NRXN1: variants seen among roughly 807,000 people sequenced by gnomAD.
The protein encoded by NRXN1 is neurexin-1.
A neutral mutation model predicts 150.9 loss-of-function variants in NRXN1; 39 were observed. That is an observed-to-expected ratio of 0.26 (90% CI 0.20 to 0.34). The LOEUF (loss-of-function observed/expected upper bound fraction) is 0.34, where lower values mean the gene tolerates loss of function less well. NRXN1 is among the 10% of genes least tolerant of loss of function. The pLI is 1.00. For synonymous variants in NRXN1, 924 were observed against 757.0 expected, an observed-to-expected ratio of 1.22 and a Z score of -3.62; for missense variants, 1,815 against 1,949.9, an observed-to-expected ratio of 0.93 and a Z score of 1.30.
chr2:50,893,237 G>A (rs1681359595), intron 5 of NRXN1, among the ~76,000 whole-genome samples: 1 of 152,114 alleles, frequency 6.6e-6, no homozygotes, highest in African/African-American at 2.4e-5. Flanking sequence ...AGATGTACAT[G>A]CAAATATCTA....
At chr2:50,807,829 G>T (rs1667710076) in intron 5 of NRXN1, among the ~76,000 whole-genome samples, 1 of 152,050 alleles carries the variant, frequency 6.6e-6, no homozygotes, top group African/African-American at 2.4e-5. Context: ...TGAGGCAGTA[G>T]GTTCTGTATA....
intron 5 of NRXN1, among the ~76,000 whole-genome samples, chr2:50,719,882 G>A (rs1345937227): frequency 1.3e-5 from 2 of 152,142 alleles, no homozygotes; most frequent in Non-Finnish European, 2.9e-5. Flanking sequence ...TTCATTCAGT[G>A]GCTTTCCTGA....
chr2:50,113,689 T>C (rs550313688), intron 18 of NRXN1, among the ~76,000 whole-genome samples: 1 of 152,286 alleles, frequency 6.6e-6, no homozygotes, highest in African/African-American at 2.4e-5. Context: ...TTGGCTATCC[T>C]TTTGTGACTC....
chr2:50,335,989 G>A (rs998026425), intron 17 of NRXN1, among the ~76,000 whole-genome samples: 1 of 151,644 alleles, frequency 6.6e-6, no homozygotes, highest in Non-Finnish European at 1.5e-5. Context: ...TGTGCCAGAT[G>A]TTTACATAAT....
intron 17 of NRXN1, among the ~76,000 whole-genome samples, chr2:50,239,340 A>G (rs989904365): frequency 6.6e-6 from 1 of 151,566 alleles, no homozygotes; most frequent in African/African-American, 2.4e-5. Context: ...TATATACATT[A>G]TGTGAAATAA....
intron 18 of NRXN1, among the ~76,000 whole-genome samples, chr2:50,234,288 G>A (rs773145775): frequency 2.6e-5 from 4 of 152,098 alleles, no homozygotes; most frequent in Non-Finnish European, 5.9e-5. Flanking sequence ...GAGGTCAGAA[G>A]TTCAAGACCA....
intron 17 of NRXN1, among the ~76,000 whole-genome samples, chr2:50,240,413 A>G (rs1387168982): frequency 6.6e-6 from 1 of 151,722 alleles, no homozygotes; most frequent in African/African-American, 2.4e-5. Flanking sequence ...ATACTTCTAT[A>G]AGCACTCTGG....
intron 17 of NRXN1, among the ~76,000 whole-genome samples, chr2:50,320,960 T>G (rs369314949): frequency 1.4e-4 from 21 of 152,286 alleles, no homozygotes; most frequent in African/African-American, 5.1e-4. Context: ...CTGAAAGTTG[T>G]GTAGGAAAAT....
intron 12 of NRXN1, among the ~76,000 whole-genome samples, chr2:50,511,462 T>G (rs538794875): frequency 6.6e-6 from 1 of 152,328 alleles, no homozygotes; most frequent in East Asian, 1.9e-4. Flanking sequence ...AGTCTGTCAG[T>G]GCTTGTCAAC....
intron 6 of NRXN1, among the ~76,000 whole-genome samples, chr2:50,621,893 C>T (rs1028567988): frequency 2.6e-5 from 4 of 152,076 alleles, no homozygotes; most frequent in South Asian, 2.1e-4. Flanking sequence ...ACATGCACCC[C>T]GGCTGTATAA....
chr2:50,829,599 A>C lies in NRXN1; in HGVS notation c.832+92270T>G. The C allele has an allele frequency of 1.9e-6, 3 of 1,611,928 alleles. No homozygotes were observed. The African/African-American group carries it at 4.0e-5, about 22-fold the overall frequency. On this transcript the variant is annotated intron_variant, in intron 5 of 22. Coordinates refer to ENST00000401669, the MANE Select transcript of NRXN1 (RefSeq NM_001330078.2). Reference sequence around the variant, plus strand: ...CATGTAGCCATCGTCTGTGCTGGAGAGCCTTGAATATTTCACTTTACTACT... The same window carrying C: ...CATGTAGCCATCGTCTGTGCTGGAGCGCCTTGAATATTTCACTTTACTACT...
At chr2:50,780,694 C>T (rs1212169753) in intron 5 of NRXN1, among the ~76,000 whole-genome samples, 2 of 152,066 alleles carry the variant, frequency 1.3e-5, no homozygotes, top group Non-Finnish European at 2.9e-5. Context: ...TTTCTTACTA[C>T]TAATATTTGA....
chr2:50,751,525 C>G lies in NRXN1; in HGVS notation c.833-127910G>C, dbSNP rs371343983. On this transcript the variant is annotated intron_variant, in intron 5 of 22. Coordinates refer to ENST00000401669, the MANE Select transcript of NRXN1 (RefSeq NM_001330078.2). ...CCTGCCAGAAAACATGCAGGAATTCCCAATTCCCAGAGCAGAAACATTGCC... is the reference window on the plus strand; with the variant it reads ...CCTGCCAGAAAACATGCAGGAATTCGCAATTCCCAGAGCAGAAACATTGCC... Among the ~76,000 whole-genome samples, 3 of 151,988 alleles carry G rather than the reference C, an allele frequency of 2.0e-5. No individual in the cohort carries two copies. In the South Asian group the frequency reaches 6.2e-4, roughly 32 times the overall value.
At chr2:50,987,301 G>T (rs575645416) in intron 2 of NRXN1, among the ~76,000 whole-genome samples, 97 of 151,824 alleles carry the variant, frequency 6.4e-4, no homozygotes, top group Non-Finnish European at 1.2e-3. Flanking sequence ...ATAAAATAAA[G>T]ATTGCACCCC....
intron 5 of NRXN1, among the ~76,000 whole-genome samples, chr2:50,726,640 C>T (rs1452387242): frequency 6.6e-6 from 1 of 152,066 alleles, no homozygotes; most frequent in East Asian, 1.9e-4. Flanking sequence ...AAACAATTTG[C>T]CCAACGTTAC....
intron 5 of NRXN1, among the ~76,000 whole-genome samples, chr2:50,718,386 G>C (rs548628842): frequency 2.0e-5 from 3 of 152,246 alleles, no homozygotes; most frequent in East Asian, 1.9e-4. Context: ...GGAAGGGAAG[G>C]CATGTTTGCA....
chr2:49,964,448 C>T (rs778956466), intron 21 of NRXN1, among the ~76,000 whole-genome samples: 9 of 151,310 alleles, frequency 5.9e-5, no homozygotes, highest in African/African-American at 1.2e-4. Flanking sequence ...GGTGTGGTGG[C>T]GCACACCTGT....
intron 5 of NRXN1, among the ~76,000 whole-genome samples, chr2:50,736,614 T>G (rs1317914731): frequency 6.6e-6 from 1 of 152,184 alleles, no homozygotes; most frequent in Non-Finnish European, 1.5e-5. Context: ...TCACAAGATC[T>G]GATGGTTTTA....
At chr2:50,951,961 A>T (rs28689574) in intron 2 of NRXN1, among the ~76,000 whole-genome samples, 10,482 of 82,292 alleles carry the variant, frequency 0.13, 646 homozygotes, top group East Asian at 0.29. Context: ...ATATATATAT[A>T]TATTTTTTTT....
Sources: gnomAD v4.1 joint callset for allele counts (sites outside exome capture counted in the v4.1 genomes callset) on GRCh38, gnomAD v4.1.1 for gene constraint, MANE v1.5 for transcripts, NCBI Gene and HGNC (gene_info 2026-07-23, HGNC 2026-07-21) for gene names.